The following FRMD6 variants were observed in gnomAD, a reference collection of about 807,000 sequenced individuals.
FRMD6 encodes the protein FERM domain containing 6.
A neutral mutation model predicts 73.2 loss-of-function variants in FRMD6; 37 were observed. The observed-to-expected ratio is 0.51, with a 90% CI of 0.39 to 0.66. FRMD6 has a LOEUF of 0.66. Ranked by LOEUF, FRMD6 falls within the 30% of genes least tolerant of loss-of-function variation. The probability of loss-of-function intolerance (pLI) is 0.00; values close to 1 mark genes in which losing one functional copy is unlikely to be tolerated. For synonymous variants in FRMD6, 273 were observed against 282.2 expected, an observed-to-expected ratio of 0.97 and a Z score of 0.33; for missense variants, 714 against 780.5, an observed-to-expected ratio of 0.91 and a Z score of 1.02.
At chr14:51,558,445 G>A (rs2139486662) in intron 1 of FRMD6, among the ~76,000 whole-genome samples, 1 of 151,048 alleles carries the variant, frequency 6.6e-6, no homozygotes, top group Admixed American at 6.6e-5. Flanking sequence ...TCCAGCCCAG[G>A]CGGCAGAGCA....
At chr14:51,687,316 A>G (rs1451939008) in intron 1 of FRMD6, among the ~76,000 whole-genome samples, 2 of 152,206 alleles carry the variant, frequency 1.3e-5, no homozygotes, top group Admixed American at 1.3e-4. Flanking sequence ...TTAAATAAGA[A>G]TTACACTGGG....
At chr14:51,457,508 A>G in the FRMD6 span, among the ~76,000 whole-genome samples, 5 of 152,274 alleles carry the variant, frequency 3.3e-5, no homozygotes, top group South Asian at 2.1e-4. Flanking sequence ...ATTTGAAGCT[A>G]ATGATGTGGC....
At chr14:51,588,383 T>A (rs1029540135) in intron 2 of FRMD6, among the ~76,000 whole-genome samples, 6 of 152,180 alleles carry the variant, frequency 3.9e-5, no homozygotes, top group African/African-American at 1.4e-4. Flanking sequence ...CATTAACTTG[T>A]TAAAAGATTA....
chr14:51,636,769 G>A (rs1401222086), intron 2 of FRMD6, among the ~76,000 whole-genome samples: 1 of 152,100 alleles, frequency 6.6e-6, no homozygotes, highest in Non-Finnish European at 1.5e-5. Context: ...GTTGTTTATA[G>A]GTCCCCATTA....
the FRMD6 span, among the ~76,000 whole-genome samples, chr14:51,439,964 G>C: frequency 2.6e-5 from 4 of 151,958 alleles, no homozygotes; most frequent in African/African-American, 9.7e-5. Context: ...ACAATTGTCT[G>C]AGCTTCAGTT....
chr14:51,665,408 AT>A (rs952407993), intron 1 of FRMD6, among the ~76,000 whole-genome samples: 7 of 151,110 alleles, frequency 4.6e-5, no homozygotes, highest in Non-Finnish European at 1.0e-4. Context: ...TTAGATACTT[AT>A]TTTTTTTTCT....
intron 1 of FRMD6, among the ~76,000 whole-genome samples, chr14:51,516,886 A>G (rs1449033142): frequency 6.6e-6 from 1 of 152,212 alleles, no homozygotes; most frequent in Non-Finnish European, 1.5e-5. Context: ...CCTGCTGGAA[A>G]CAGTTCCTTG....
intron 2 of FRMD6, among the ~76,000 whole-genome samples, chr14:51,624,142 A>G (rs887039511): frequency 3.3e-5 from 5 of 152,124 alleles, no homozygotes; most frequent in African/African-American, 1.2e-4. Flanking sequence ...ACTGGGGCCT[A>G]CCAGAGGGCA....
At chr14:51,641,843 C>G (rs940372441) in intron 2 of FRMD6, among the ~76,000 whole-genome samples, 2 of 152,166 alleles carry the variant, frequency 1.3e-5, no homozygotes, top group Non-Finnish European at 2.9e-5. Flanking sequence ...TACAGTAGCA[C>G]TGTCCCTCCT....
the FRMD6 span, among the ~76,000 whole-genome samples, chr14:51,477,465 G>C: frequency 6.6e-6 from 1 of 151,558 alleles, no homozygotes; most frequent in South Asian, 2.1e-4. Flanking sequence ...AGGTGAATTG[G>C]CATGAGGATA....
chr14:51,482,119 C>T, the FRMD6 span, among the ~76,000 whole-genome samples: 1 of 152,174 alleles, frequency 6.6e-6, no homozygotes, highest in Non-Finnish European at 1.5e-5. Flanking sequence ...CAAAGGGTAA[C>T]AGTCTCAACT....
intron 1 of FRMD6, among the ~76,000 whole-genome samples, chr14:51,672,379 T>C (rs1406814924): frequency 6.6e-6 from 1 of 152,162 alleles, no homozygotes; most frequent in African/African-American, 2.4e-5. Context: ...ACAAGGACAA[T>C]TTTGGGAGAG....
intron 1 of FRMD6, among the ~76,000 whole-genome samples, chr14:51,516,912 T>G (rs766020478): frequency 4.6e-5 from 7 of 152,236 alleles, no homozygotes; most frequent in Non-Finnish European, 7.3e-5. Context: ...TTTAATCTGA[T>G]GCCAATCTTT....
the FRMD6 span, among the ~76,000 whole-genome samples, chr14:51,423,466 C>T: frequency 6.6e-6 from 1 of 152,334 alleles, no homozygotes; most frequent in South Asian, 2.1e-4. Context: ...GGTGGTGTTA[C>T]TATGACCAGT....
At chr14:51,678,657 C>T (rs1169103117) in intron 1 of FRMD6, among the ~76,000 whole-genome samples, 1 of 152,016 alleles carries the variant, frequency 6.6e-6, no homozygotes, top group Non-Finnish European at 1.5e-5. Flanking sequence ...CCAGTACTAC[C>T]CTGGGCATTA....
intron 1 of FRMD6, among the ~76,000 whole-genome samples, chr14:51,664,195 G>T (rs1893416423): frequency 6.6e-6 from 1 of 152,198 alleles, no homozygotes; most frequent in Non-Finnish European, 1.5e-5. Context: ...AGAGTAGATG[G>T]CTCAGGTTAG....
rs369250709 is a variant in FRMD6, at chr14:51,715,465, C to G, written c.990C>G (p.Val330=). 2 of 1,612,190 alleles carry G rather than the reference C, an allele frequency of 1.2e-6. No individual in the cohort carries two copies. The highest frequency in any genetic ancestry group is 2.7e-5 in the African/African-American group (2 of 74,826). Residue 330 remains valine (V), a synonymous_variant, in exon 10 of 14, where the codon GTC becomes GTG. Coordinates refer to ENST00000344768, the MANE Select transcript of FRMD6 (RefSeq NM_001267046.2). ...GCCTCTATATGAATCTGCAGCCTGT[C>G]CTGCGCCATATCCGGAAGCTGGAGG... ...SHRLYMNLQP[V]LRHIRKLEEN...
intron 2 of FRMD6, among the ~76,000 whole-genome samples, chr14:51,628,669 T>G (rs1259241868): frequency 1.3e-5 from 2 of 151,440 alleles, no homozygotes; most frequent in Non-Finnish European, 2.9e-5. Flanking sequence ...AAAAATTAGC[T>G]GGGCATGGTG....
At chr14:51,412,137 A>G in the FRMD6 span, among the ~76,000 whole-genome samples, 1 of 152,060 alleles carries the variant, frequency 6.6e-6, no homozygotes, top group South Asian at 2.1e-4. Flanking sequence ...CTTAACATCT[A>G]TTGCTTTCAC....
Sources: gnomAD v4.1 joint callset for allele counts (sites outside exome capture counted in the v4.1 genomes callset) on GRCh38, gnomAD v4.1.1 for gene constraint, MANE v1.5 for transcripts, NCBI Gene and HGNC (gene_info 2026-07-23, HGNC 2026-07-21) for gene names.